The following NRP1 variants were observed in gnomAD, a reference collection of about 807,000 sequenced individuals.
NRP1 encodes the protein neuropilin-1.
In NRP1, 35 loss-of-function variants were observed where a neutral mutation model predicts 106.7. The observed-to-expected ratio is 0.33, with a 90% CI of 0.25 to 0.43. The LOEUF is 0.43. NRP1 is among the 20% of genes least tolerant of loss of function. The pLI, the probability that NRP1 is intolerant of heterozygous loss-of-function variation, is 1.00. For synonymous variants in NRP1, 437 were observed against 417.9 expected, an observed-to-expected ratio of 1.05 and a Z score of -0.56; for missense variants, 1,024 against 1,170.4, an observed-to-expected ratio of 0.87 and a Z score of 1.83.
chr10:33,213,699 A>G lies in NRP1; in HGVS notation c.1301T>C (p.Met434Thr), dbSNP rs774247461. The G allele has an allele frequency of 6.3e-7, 1 of 1,595,072 alleles. No individual in the cohort carries two copies. The highest frequency in any genetic ancestry group is 8.6e-7 in the Non-Finnish European group (1 of 1,168,934). ...AATAAGTCCAGACACCATACCCAAC[A>G]TTCCAGAGCAAGGATAATCTGGGAA... ...CKITDYPCSG[M>T]LGMVSGLISD... The change falls in exon 9 of 17, where the codon ATG becomes ACG. Residue 434 changes from methionine (M) to threonine (T), a missense_variant. By Grantham distance (81) the Met-to-Thr change is moderately conservative. Transcript: ENST00000374867.
intron 10 of NRP1, chr10:33,205,605 G>A (rs1837707207): frequency 6.6e-6 from 1 of 152,510 alleles, no homozygotes; most frequent in African/African-American, 2.4e-5. Context: ...ATCACAGGGA[G>A]TCAAAGGTGT....
chr10:33,192,325 C>T lies in NRP1; in HGVS notation c.2018G>A (p.Trp673Ter). 1 of 1,613,806 alleles carries T rather than the reference C, an allele frequency of 6.2e-7. No homozygotes were observed. The highest frequency in any genetic ancestry group is 1.3e-5 in the African/African-American group (1 of 74,970). The part of the protein sequence containing the change: ...WEHDNHVQLK[W>*]SVLTSKTGPI... ...TCCCGTCTTGCTGGTCAACACACTC[C>T]ACTTGAGCTGCACGTGATTGTCATG... The change falls in exon 13 of 17, where the codon TGG becomes TAG. Residue 673 changes from tryptophan (W) to a stop codon, truncating the protein, a stop_gained. Transcript: ENST00000374867. LOFTEE classifies it high-confidence loss of function.
At position 33,221,966 on chromosome 10, in the gene NRP1, T is replaced by C. The variant is rs552045365; in HGVS notation, c.1138-103A>G. On this transcript the variant is annotated intron_variant, in intron 7 of 16. Coordinates refer to ENST00000374867, the MANE Select transcript of NRP1 (RefSeq NM_003873.7). ...GTAAAAATTATTTACAATTTCAGTG[T>C]TGTCGATCAAGGATGAGATGGCGTT... 4 of 1,314,308 alleles carry C rather than the reference T, an allele frequency of 3.0e-6. No individual in the cohort carries two copies. The South Asian group carries it at 5.3e-5, about 17-fold the overall frequency. The allele number at this position is 1,314,308 out of a possible 1,614,324, so 81.4% of individuals were successfully genotyped here. A position where few individuals can be genotyped will look rare whatever the true frequency, so the allele number is the denominator to read the frequency against.
At chr10:33,322,225 C>T (rs1293036913) in intron 2 of NRP1, among the ~76,000 whole-genome samples, 1 of 152,100 alleles carries the variant, frequency 6.6e-6, no homozygotes, top group Non-Finnish European at 1.5e-5. Context: ...ACAGATCAAA[C>T]CCATGTGTGG....
intron 11 of NRP1, among the ~76,000 whole-genome samples, chr10:33,197,964 A>T (rs1480400158): frequency 1.3e-5 from 2 of 151,880 alleles, no homozygotes; most frequent in Non-Finnish European, 2.9e-5. Context: ...AAATTAACAA[A>T]TGGAAGTTGT....
intron 2 of NRP1, among the ~76,000 whole-genome samples, chr10:33,329,646 A>G (rs1009641787): frequency 9.2e-5 from 14 of 152,240 alleles, no homozygotes; most frequent in Admixed American, 2.6e-4. Flanking sequence ...TCAGTCCCTG[A>G]GAAACACTTT....
intron 8 of NRP1, among the ~76,000 whole-genome samples, chr10:33,214,111 G>T (rs1239016236): frequency 6.6e-6 from 1 of 152,148 alleles, no homozygotes; most frequent in Non-Finnish European, 1.5e-5. Flanking sequence ...ATAGCAGGAA[G>T]GTTGCTAAAA....
At chr10:33,208,331 G>A (rs1413268083) in intron 9 of NRP1, among the ~76,000 whole-genome samples, 1 of 152,198 alleles carries the variant, frequency 6.6e-6, no homozygotes, top group African/African-American at 2.4e-5. Context: ...GGGATTACAG[G>A]TGTGAGCCAC....
chr10:33,306,154 C>A (rs974094535), intron 2 of NRP1, among the ~76,000 whole-genome samples: 2 of 152,166 alleles, frequency 1.3e-5, no homozygotes, highest in Non-Finnish European at 2.9e-5. Context: ...AGGCTAAATC[C>A]ATTTTTCCCC....
intron 2 of NRP1, among the ~76,000 whole-genome samples, chr10:33,313,211 TAGGGGTTG>T (rs1448343472): frequency 6.6e-6 from 1 of 152,176 alleles, no homozygotes; most frequent in African/African-American, 2.4e-5. Context: ...TGATACCACT[TAGGGGTTG>T]AAAACTGACA....
chr10:33,254,444 T>G (rs1298370946), intron 5 of NRP1, among the ~76,000 whole-genome samples: 1 of 152,212 alleles, frequency 6.6e-6, no homozygotes, highest in African/African-American at 2.4e-5. Flanking sequence ...TATTTGAAAT[T>G]TACCAGGAAA....
intron 15 of NRP1, among the ~76,000 whole-genome samples, chr10:33,183,825 C>T (rs1239293701): frequency 6.6e-6 from 1 of 152,182 alleles, no homozygotes. Context: ...AATTGTCTTA[C>T]ACATATTTTT....
In NRP1 at chr10:33,223,676, C is replaced by T. The variant is rs559955635; in HGVS notation, c.1138-1813G>A. On this transcript the variant is annotated intron_variant, in intron 7 of 16. Transcript: ENST00000374867. ...TTTTAGCCTGATCTCTCTCTTGAGA[C>T]GATCTGATATCCTAATTTATCCCAG... Among the ~76,000 whole-genome samples the T allele has an allele frequency of 6.2e-4, 94 of 152,276 alleles. 1 individual carries two copies. The highest frequency in any genetic ancestry group is 3.5e-3 in the Admixed American group (53 of 15,296).
Position 33,264,833 on chromosome 10 carries a change from G to A in NRP1, c.431-960C>T, listed in dbSNP as rs149903768. Among the ~76,000 whole-genome samples, 515 of 152,290 alleles carry A rather than the reference G, an allele frequency of 3.4e-3. 3 individuals carry two copies. The highest frequency in any genetic ancestry group is 0.011 in the African/African-American group (441 of 41,552). ...AAAACTGCCCTTCTTGGCCGGGTGT[G>A]CACAATGGCTCATGCCTGTAATGCC... On this transcript the variant is annotated intron_variant, in intron 3 of 16. Coordinates refer to ENST00000374867, the MANE Select transcript of NRP1 (RefSeq NM_003873.7).
chr10:33,332,165 TTA>T (rs1432720876), intron 1 of NRP1, among the ~76,000 whole-genome samples: 1 of 152,068 alleles, frequency 6.6e-6, no homozygotes, highest in African/African-American at 2.4e-5. Flanking sequence ...ACAATATAAG[TTA>T]TATTGTTTTT....
intron 10 of NRP1, chr10:33,205,439 CAG>C (rs1837693002): frequency 6.6e-6 from 1 of 152,204 alleles, no homozygotes; most frequent in African/African-American, 2.4e-5. Flanking sequence ...TTTATCAAGA[CAG>C]GGGAATTGCA....
chr10:33,215,152 A>AT (rs1838655678), intron 8 of NRP1, among the ~76,000 whole-genome samples: 1 of 152,116 alleles, frequency 6.6e-6, no homozygotes, highest in African/African-American at 2.4e-5. Flanking sequence ...GCCTAATTTG[A>AT]TTTTCTATTA....
chr10:33,210,281 C>T (rs1838195723), intron 9 of NRP1, among the ~76,000 whole-genome samples: 1 of 151,796 alleles, frequency 6.6e-6, no homozygotes, highest in Non-Finnish European at 1.5e-5. Flanking sequence ...GACTCTGACA[C>T]ATATTATTGT....
At position 33,321,786 on chromosome 10, in the gene NRP1, T is replaced by G. The variant is rs1200399371; in HGVS notation, c.248+8922A>C. On this transcript the variant is annotated intron_variant, in intron 2 of 16. Coordinates refer to ENST00000374867, the MANE Select transcript of NRP1 (RefSeq NM_003873.7). ...TATCTTCGGCTATTCTGGAGAAATA[T>G]GAGAACTTGAATTGAGAGACAGTTA... Among the ~76,000 whole-genome samples the G allele has an allele frequency of 5.3e-5, 8 of 152,164 alleles. No homozygotes were observed. In the South Asian group the frequency reaches 1.7e-3, roughly 32 times the overall value.
Sources: gnomAD v4.1 joint callset for allele counts (sites outside exome capture counted in the v4.1 genomes callset) on GRCh38, gnomAD v4.1.1 for gene constraint, MANE v1.5 for transcripts, NCBI Gene and HGNC (gene_info 2026-07-23, HGNC 2026-07-21) for gene names.